The following RBFOX1 variants were observed in gnomAD, a reference collection of about 807,000 sequenced individuals.
RBFOX1 encodes the protein RNA binding fox-1 homolog 1.
RBFOX1 carries 8 observed loss-of-function variants against 57.7 expected under a neutral mutation model. The ratio of observed to expected loss-of-function variants is 0.14; its 90% confidence interval spans 0.08 to 0.25. The LOEUF (loss-of-function observed/expected upper bound fraction) is 0.25, where lower values mean the gene tolerates loss of function less well. Ranked by LOEUF, RBFOX1 falls within the 10% of genes least tolerant of loss-of-function variation. RBFOX1 has a pLI of 1.00. For synonymous variants in RBFOX1, 326 were observed against 222.4 expected, an observed-to-expected ratio of 1.47 and a Z score of -4.15; for missense variants, 611 against 548.5, an observed-to-expected ratio of 1.11 and a Z score of -1.14.
chr16:7,010,989 C>T (rs919909331), intron 3 of RBFOX1, among the ~76,000 whole-genome samples: 3 of 152,250 alleles, frequency 2.0e-5, no homozygotes, highest in Non-Finnish European at 4.4e-5. Flanking sequence ...CTGTTCTTTC[C>T]TGTTATATTT....
At chr16:6,490,127 C>G (rs545203735) in intron 2 of RBFOX1, among the ~76,000 whole-genome samples, 1 of 152,134 alleles carries the variant, frequency 6.6e-6, no homozygotes, top group African/African-American at 2.4e-5. Flanking sequence ...CGGGAATGAC[C>G]ATGCCTATCT....
intron 3 of RBFOX1, among the ~76,000 whole-genome samples, chr16:6,832,539 G>A (rs138811623): frequency 2.0e-5 from 3 of 152,306 alleles, no homozygotes; most frequent in African/African-American, 4.8e-5. Flanking sequence ...CTCTTGCTTA[G>A]TATGAATGTC....
At chr16:6,792,282 A>G (rs1323407789) in intron 3 of RBFOX1, among the ~76,000 whole-genome samples, 1 of 152,230 alleles carries the variant, frequency 6.6e-6, no homozygotes, top group Non-Finnish European at 1.5e-5. Context: ...GATTACATAA[A>G]TACATCTAAA....
chr16:6,259,063 T>C (rs561585084), intron 1 of RBFOX1, among the ~76,000 whole-genome samples: 1 of 152,250 alleles, frequency 6.6e-6, no homozygotes, highest in African/African-American at 2.4e-5. Context: ...TCTGACAGGG[T>C]ATTCGGTATT....
chr16:6,922,192 T>G (rs991158170), intron 3 of RBFOX1, among the ~76,000 whole-genome samples: 4 of 152,134 alleles, frequency 2.6e-5, no homozygotes, highest in Admixed American at 2.6e-4. Context: ...TAGGTGCAAT[T>G]CAGTGGTTCT....
At chr16:6,858,103 G>A (rs1027229557) in intron 3 of RBFOX1, among the ~76,000 whole-genome samples, 4 of 152,142 alleles carry the variant, frequency 2.6e-5, no homozygotes, top group Non-Finnish European at 1.5e-5. Flanking sequence ...CTAGAAATTG[G>A]AGTTATTAAA....
chr16:7,028,601 CACACACACAAAAAAAAAAAA>C (rs2041697133), intron 3 of RBFOX1, among the ~76,000 whole-genome samples: 1 of 45,002 alleles, frequency 2.2e-5, no homozygotes, highest in African/African-American at 8.7e-5. Context: ...CACACACACA[CACACACACAAAAAAAAAAAA>C]AAAAAAAAAA....
intron 3 of RBFOX1, among the ~76,000 whole-genome samples, chr16:6,680,528 G>T (rs891822936): frequency 1.3e-5 from 2 of 152,118 alleles, no homozygotes; most frequent in Non-Finnish European, 2.9e-5. Context: ...CTCCCAAAGT[G>T]CTGGGATTAC....
At chr16:7,063,694 A>G (rs1486856845) in intron 4 of RBFOX1, among the ~76,000 whole-genome samples, 3 of 151,720 alleles carry the variant, frequency 2.0e-5, no homozygotes, top group Admixed American at 2.0e-4. Flanking sequence ...TGCTTCAAAT[A>G]TATTTAGGGG....
upstream of RBFOX1, among the ~76,000 whole-genome samples, chr16:6,018,276 G>T (rs1385643486): frequency 6.6e-6 from 1 of 151,958 alleles, no homozygotes; most frequent in Non-Finnish European, 1.5e-5. Context: ...GTCCAGAGTG[G>T]GACCCAGGAA....
chr16:5,628,038 A>G (rs1024962370), intron 3 of RBFOX1, among the ~76,000 whole-genome samples: 1 of 152,198 alleles, frequency 6.6e-6, no homozygotes, highest in East Asian at 1.9e-4. Flanking sequence ...GGAATTCCTT[A>G]TATTTTGAAT....
At chr16:7,486,384 C>T (rs982599042) in intron 4 of RBFOX1, among the ~76,000 whole-genome samples, 1 of 151,946 alleles carries the variant, frequency 6.6e-6, no homozygotes, top group Non-Finnish European at 1.5e-5. Flanking sequence ...CCACCCTGTC[C>T]CCCGGCTTCC....
intron 3 of RBFOX1, among the ~76,000 whole-genome samples, chr16:5,687,140 T>C (rs965481789): frequency 4.6e-5 from 7 of 152,162 alleles, no homozygotes; most frequent in East Asian, 1.9e-4. Flanking sequence ...TTTATAGCAA[T>C]GCAAAATGGA....
At chr16:6,868,243 G>A (rs961754077) in intron 3 of RBFOX1, among the ~76,000 whole-genome samples, 1 of 152,056 alleles carries the variant, frequency 6.6e-6, no homozygotes, top group African/African-American at 2.4e-5. Context: ...ATACTTCGTG[G>A]TCTGCAGCAG....
intron 3 of RBFOX1, among the ~76,000 whole-genome samples, chr16:5,823,546 A>G (rs570435593): frequency 6.6e-6 from 1 of 152,264 alleles, no homozygotes. Context: ...TAGGAACCCA[A>G]CCACACAGAA....
chr16:5,790,363 G>T (rs2054648980), intron 3 of RBFOX1, among the ~76,000 whole-genome samples: 1 of 152,138 alleles, frequency 6.6e-6, no homozygotes, highest in Non-Finnish European at 1.5e-5. Context: ...ATTGTCCAAG[G>T]TGCAGAGACC....
intron 4 of RBFOX1, among the ~76,000 whole-genome samples, chr16:7,311,084 T>TC (rs762628867): frequency 2.0e-5 from 3 of 152,134 alleles, no homozygotes; most frequent in Non-Finnish European, 4.4e-5. Flanking sequence ...TGCTTTTTTT[T>TC]CCATCTGCCA....
At position 7,005,405 on chromosome 16, in the gene RBFOX1, G is replaced by A. The variant is rs906151662; in HGVS notation, c.-15-46652G>A. Among the ~76,000 whole-genome samples, 9 of 152,254 alleles carry A rather than the reference G, an allele frequency of 5.9e-5. No homozygotes were observed. The South Asian group carries it at 1.2e-3, about 21-fold the overall frequency. ...GCAAGGAAACATCCCAATACAGTCA[G>A]TATTTCTTGTGGAAGGACAAAAAGA... On this transcript the variant is annotated intron_variant, in intron 3 of 15. Coordinates refer to ENST00000550418, the MANE Select transcript of RBFOX1 (RefSeq NM_018723.4).
At chr16:7,163,092 C>A (rs1350126188) in intron 4 of RBFOX1, among the ~76,000 whole-genome samples, 1 of 152,162 alleles carries the variant, frequency 6.6e-6, no homozygotes, top group Admixed American at 6.5e-5. Flanking sequence ...AGTAGGGCAC[C>A]CATAAATAAT....
Sources: gnomAD v4.1 joint callset for allele counts (sites outside exome capture counted in the v4.1 genomes callset) on GRCh38, gnomAD v4.1.1 for gene constraint, MANE v1.5 for transcripts, NCBI Gene and HGNC (gene_info 2026-07-23, HGNC 2026-07-21) for gene names.